FIBCD1: variants seen among roughly 807,000 people sequenced by gnomAD.
The protein encoded by FIBCD1 is fibrinogen C domain containing 1, also known as fibrinogen C domain-containing protein 1.
A neutral mutation model predicts 45.1 loss-of-function variants in FIBCD1; 47 were observed. That is an observed-to-expected ratio of 1.04 (90% CI 0.82 to 1.33). The LOEUF is 1.33. Ranked by LOEUF, FIBCD1 falls within the 40% of genes most tolerant of loss-of-function variation. The pLI is 0.00. For synonymous variants in FIBCD1, 313 were observed against 308.1 expected (o/e 1.02, Z -0.17); for missense variants, 653 against 682.2 (o/e 0.96, Z 0.48).
In FIBCD1 at chr9:130,902,839, C is replaced by T. The variant is rs1471076856; in HGVS notation, c.*1225G>A. The T allele has an allele frequency of 1.3e-5, 2 of 152,434 alleles. No homozygotes were observed. Among genetic ancestry groups the T allele is most frequent in the African/African-American group, 4.8e-5 (2 of 41,464 alleles). 9.4% of individuals were successfully genotyped at this position (152,434 alleles called of 1,614,324 possible). On this transcript the variant is annotated 3_prime_UTR_variant, in exon 7 of 7. Transcript: ENST00000372338. ...GGTCCTGGGAGCCTGCGGGTCTCAC[C>T]TCTGCATGTGTGCACACAAGGAGTG...
chr9:130,933,834 C>A (rs1296611389), intron 1 of FIBCD1: 1 of 152,228 alleles, frequency 6.6e-6, no homozygotes, highest in African/African-American at 2.4e-5. Context: ...GGCAGGAGTC[C>A]CCTGGGGAGA....
chr9:130,909,865 G>T (rs529220051), intron 5 of FIBCD1, among the ~76,000 whole-genome samples: 6 of 152,340 alleles, frequency 3.9e-5, no homozygotes, highest in African/African-American at 1.4e-4. Context: ...CCTACTTTGT[G>T]CCAGGCAGGG....
At chr9:130,918,005 G>C (rs1832196856) in intron 4 of FIBCD1, among the ~76,000 whole-genome samples, 1 of 152,150 alleles carries the variant, frequency 6.6e-6, no homozygotes. Context: ...TGTGTGCTCG[G>C]GGCTCACAGG....
intron 1 of FIBCD1, among the ~76,000 whole-genome samples, chr9:130,935,902 C>T (rs1299929517): frequency 6.6e-6 from 1 of 152,192 alleles, no homozygotes; most frequent in Non-Finnish European, 1.5e-5. Context: ...AGTGCGGCGT[C>T]AGCGTTATGC....
In FIBCD1 at chr9:130,904,247, A is replaced by G. The variant is rs1317563315; in HGVS notation, c.1203T>C (p.Cys401=). The change falls in exon 7 of 7, where the codon TGT becomes TGC. Residue 401 remains cysteine, a synonymous_variant. Transcript: ENST00000372338. ...ACCAGGCACCGCGGTAGAAGGCGGC[A>G]CAGTTGTTCTCTGAATGGTCGCTGT... ...DRDSDHSENN[C]AAFYRGAWWY... The G allele has an allele frequency of 6.2e-7, 1 of 1,613,692 alleles. No individual in the cohort carries two copies. Among genetic ancestry groups the G allele is most frequent in the Non-Finnish European group, 8.5e-7 (1 of 1,179,984 alleles).
At chr9:130,908,642 A>C (rs1287540680) in intron 5 of FIBCD1, among the ~76,000 whole-genome samples, 1 of 152,092 alleles carries the variant, frequency 6.6e-6, no homozygotes, top group East Asian at 1.9e-4. Context: ...CTCATCTCTA[A>C]AAGGAGGGGA....
At chr9:130,915,039 C>A (rs960427618) in intron 4 of FIBCD1, among the ~76,000 whole-genome samples, 5 of 152,248 alleles carry the variant, frequency 3.3e-5, no homozygotes, top group Non-Finnish European at 7.3e-5. Flanking sequence ...CTCAGTCCCA[C>A]GACAGTCTGG....
Position 130,906,088 on chromosome 9 carries a change from T to A in FIBCD1, c.947-675A>T, listed in dbSNP as rs529957117. Among the ~76,000 whole-genome samples, 19 of 152,228 alleles carry A rather than the reference T, an allele frequency of 1.2e-4. No individual in the cohort carries two copies. In the South Asian group the frequency reaches 3.3e-3, roughly 27 times the overall value. Reference sequence around the variant, plus strand: ...TGGTGCTTACCCAGCGCTGGCTTAGTGGATGGGAGGGAGTTGGCGGCACCC... The same window carrying A: ...TGGTGCTTACCCAGCGCTGGCTTAGAGGATGGGAGGGAGTTGGCGGCACCC... On this transcript the variant is annotated intron_variant, in intron 5 of 6. Transcript: ENST00000372338.
intron 2 of FIBCD1, among the ~76,000 whole-genome samples, chr9:130,928,563 C>T (rs1832393642): frequency 6.6e-6 from 1 of 152,242 alleles, no homozygotes; most frequent in South Asian, 2.1e-4. Context: ...ACTGTAATTT[C>T]TCCAGCTGCT....
At position 130,914,860 on chromosome 9, in the gene FIBCD1, C is replaced by T. The variant is rs571959909; in HGVS notation, c.850-2972G>A. Among the ~76,000 whole-genome samples the T allele has an allele frequency of 1.2e-4, 18 of 152,354 alleles. 1 individual carries two copies. Among genetic ancestry groups the T allele is most frequent in the African/African-American group, 4.3e-4 (18 of 41,588 alleles). On this transcript the variant is annotated intron_variant, in intron 4 of 6. Coordinates refer to ENST00000372338, the MANE Select transcript of FIBCD1 (RefSeq NM_032843.5). Reference sequence around the variant, plus strand: ...GCGTCCCAGCTGATGGGATGATGGGCAGTCGAGACTCAGCTCGGGGGCTGC... The same window carrying T: ...GCGTCCCAGCTGATGGGATGATGGGTAGTCGAGACTCAGCTCGGGGGCTGC...
intron 2 of FIBCD1, among the ~76,000 whole-genome samples, chr9:130,927,555 C>A (rs10751512): frequency 0.56 from 84,568 of 152,090 alleles, 24,119 homozygotes; most frequent in Non-Finnish European, 0.61. Context: ...TGCGGACTCA[C>A]ACCCTCAGGG....
Position 130,911,907 on chromosome 9 carries a change from G to A in FIBCD1, c.850-19C>T. On this transcript the variant is annotated intron_variant, in intron 4 of 6. Transcript: ENST00000372338. ...GAAACACCTGCAAAGGGAAGATGGG[G>A]ATGGGGCGTTGGCACCGACCATCCC... 6.4e-7 allele frequency: 1 copy of A among 1,557,552 alleles called. No individual in the cohort carries two copies. Among genetic ancestry groups the A allele is most frequent in the South Asian group, 1.2e-5 (1 of 84,588 alleles).
At position 130,938,274 on chromosome 9, in the gene FIBCD1, G is replaced by C. The variant is rs564178901; in HGVS notation, c.72+262C>G. 51 of 399,270 alleles carry C rather than the reference G, an allele frequency of 1.3e-4. No homozygotes were observed. The Middle Eastern group carries it at 2.1e-3, about 16-fold the overall frequency. The allele number at this position is 399,270 out of a possible 1,614,324, so 24.7% of individuals were successfully genotyped here. A position where few individuals can be genotyped will look rare whatever the true frequency, so the allele number is the denominator to read the frequency against. On this transcript the variant is annotated intron_variant, in intron 1 of 6. Coordinates refer to ENST00000372338, the MANE Select transcript of FIBCD1 (RefSeq NM_032843.5). Reference sequence around the variant, plus strand: ...TCCCTCTGCACCCGCGTGCACCAGGGGGCTGCTGGGGGTGCGGGGACGCGG... The same window carrying C: ...TCCCTCTGCACCCGCGTGCACCAGGCGGCTGCTGGGGGTGCGGGGACGCGG...
At chr9:130,938,466 C>A in intron 1 of FIBCD1, 70 bp downstream of exon 1, 2 of 1,334,432 alleles carry the variant, frequency 1.5e-6, no homozygotes, top group Admixed American at 3.3e-5. Flanking sequence ...AATGGGTGCT[C>A]GCCCCGCCGG....
At chr9:130,934,900 C>T (rs1326990273) in intron 1 of FIBCD1, among the ~76,000 whole-genome samples, 1 of 152,128 alleles carries the variant, frequency 6.6e-6, no homozygotes, top group East Asian at 1.9e-4. Flanking sequence ...GCTTGGGAAA[C>T]CCCAAGCCTA....
intron 4 of FIBCD1, among the ~76,000 whole-genome samples, chr9:130,916,985 C>T (rs943762346): frequency 6.6e-6 from 1 of 152,206 alleles, no homozygotes; most frequent in Non-Finnish European, 1.5e-5. Context: ...TTAATCCCAG[C>T]TACTCGGGAG....
chr9:130,928,878 C>T (rs564722236), intron 2 of FIBCD1, among the ~76,000 whole-genome samples: 10 of 152,134 alleles, frequency 6.6e-5, no homozygotes, highest in African/African-American at 4.8e-5. Context: ...GCAGATGAGA[C>T]GATCCCAAAT....
At chr9:130,931,947 A>T (rs1398977949) in intron 1 of FIBCD1, among the ~76,000 whole-genome samples, 5 of 152,278 alleles carry the variant, frequency 3.3e-5, no homozygotes, top group Admixed American at 2.0e-4. Flanking sequence ...TTGTGCTGGC[A>T]CAGTAAATAT....
chr9:130,927,145 A>C (rs535875271), intron 2 of FIBCD1, among the ~76,000 whole-genome samples: 10 of 152,020 alleles, frequency 6.6e-5, no homozygotes, highest in African/African-American at 2.4e-4. Context: ...TAGAAGGCTG[A>C]GGTGGGAGGA....
Sources: gnomAD v4.1 joint callset for allele counts (sites outside exome capture counted in the v4.1 genomes callset) on GRCh38, gnomAD v4.1.1 for gene constraint, MANE v1.5 for transcripts, NCBI Gene and HGNC (gene_info 2026-07-23, HGNC 2026-07-21) for gene names.